PFKFB3: variants seen among roughly 807,000 people sequenced by gnomAD.
PFKFB3 encodes 6-phosphofructo-2-kinase/fructose-2,6-bisphosphatase 3.
In PFKFB3, 33 loss-of-function variants were observed where a neutral mutation model predicts 68.0. That is an observed-to-expected ratio of 0.49 (90% CI 0.37 to 0.65). PFKFB3 has a LOEUF of 0.65. PFKFB3 is among the 30% of genes least tolerant of loss of function. The pLI, the probability that PFKFB3 is intolerant of heterozygous loss-of-function variation, is 0.00. For missense variants in PFKFB3, 586 were observed against 712.2 expected (o/e 0.82, Z 2.02); for synonymous variants, 315 against 288.2 (o/e 1.09, Z -0.94).
chr10:6,260,718 G>A, the PFKFB3 span, among the ~76,000 whole-genome samples: 1 of 152,120 alleles, frequency 6.6e-6, no homozygotes, highest in South Asian at 2.1e-4. Context: ...GTTTCATTAG[G>A]TAGTGATTGA....
chr10:6,152,280 A>G (rs1841617111), intron 1 of PFKFB3: 1 of 152,474 alleles, frequency 6.6e-6, no homozygotes, highest in African/African-American at 2.4e-5. Flanking sequence ...TGCCTGGAAC[A>G]GTTCCTGCAG....
intron 1 of PFKFB3, among the ~76,000 whole-genome samples, chr10:6,150,654 C>T (rs370699423): frequency 4.6e-5 from 7 of 152,062 alleles, no homozygotes; most frequent in African/African-American, 1.7e-4. Flanking sequence ...TCCTTATAAA[C>T]CCTAAATGCT....
At chr10:6,300,159 G>A in the PFKFB3 span, among the ~76,000 whole-genome samples, 3 of 151,592 alleles carry the variant, frequency 2.0e-5, no homozygotes, top group Non-Finnish European at 2.9e-5. Context: ...CTCTTCGGGC[G>A]AGATGCGAGT....
At chr10:6,291,249 G>GA in the PFKFB3 span, among the ~76,000 whole-genome samples, 1 of 151,696 alleles carries the variant, frequency 6.6e-6, no homozygotes, top group Non-Finnish European at 1.5e-5. Context: ...ATCCACAAAT[G>GA]AAAAAAAAGA....
chr10:6,287,301 G>T, the PFKFB3 span, among the ~76,000 whole-genome samples: 2 of 151,994 alleles, frequency 1.3e-5, no homozygotes, highest in African/African-American at 4.8e-5. Context: ...TGTTGGCTGG[G>T]CTAGTCTTGA....
intron 8 of PFKFB3, 116 bp from the exon 9 acceptor site, chr10:6,221,265 G>GC: frequency 7.8e-7 from 1 of 1,287,656 alleles, no homozygotes; most frequent in East Asian, 2.5e-5. Context: ...GTGGCCTGGG[G>GC]CCCCCACGGT....
the PFKFB3 span, among the ~76,000 whole-genome samples, chr10:6,261,249 G>C: frequency 6.6e-6 from 1 of 152,188 alleles, no homozygotes; most frequent in South Asian, 2.1e-4. Context: ...GCCCTTATTT[G>C]TAGGATGTTT....
chr10:6,213,478 C>G, intron 1 of PFKFB3, 145 bp from the exon 2 acceptor site: 1 of 884,010 alleles, frequency 1.1e-6, no homozygotes, highest in Non-Finnish European at 1.7e-6. Flanking sequence ...ATGGTGGCCA[C>G]CGTGCTCCCG....
Position 6,220,639 on chromosome 10 carries a change from C to T in PFKFB3, c.624-19C>T, listed in dbSNP as rs371896331. On this transcript the variant is annotated intron_variant, in intron 7 of 14. Coordinates refer to ENST00000379775, the MANE Select transcript of PFKFB3 (RefSeq NM_004566.4). The surrounding 1 kb of genome is among the most constrained non-coding windows in gnomAD (Gnocchi z 4.1). ...GGGTGGTGGCCTGAGCTGTGGTTCTCGGTGGGGTCTCTCTGCAGGGACTTG... is the reference window on the plus strand; with the variant it reads ...GGGTGGTGGCCTGAGCTGTGGTTCTTGGTGGGGTCTCTCTGCAGGGACTTG... 4.4e-5 allele frequency: 71 copies of T among 1,611,178 alleles called. No homozygotes were observed. The highest frequency in any genetic ancestry group is 1.6e-4 in the Middle Eastern group (1 of 6,078).
chr10:6,239,682 AT>A (rs939895150), downstream of PFKFB3, among the ~76,000 whole-genome samples: 3 of 151,320 alleles, frequency 2.0e-5, no homozygotes, highest in East Asian at 1.9e-4. Context: ...ACTTTCTAAT[AT>A]TTTTTTTTGA....
intron 1 of PFKFB3, among the ~76,000 whole-genome samples, chr10:6,172,976 C>T (rs1472404593): frequency 6.6e-6 from 1 of 152,172 alleles, no homozygotes; most frequent in Non-Finnish European, 1.5e-5. Flanking sequence ...TCCTGTTAGG[C>T]CAGCGTCCAC....
At chr10:6,224,983 G>C (rs999535057) in intron 13 of PFKFB3, among the ~76,000 whole-genome samples, 2 of 151,558 alleles carry the variant, frequency 1.3e-5, no homozygotes, top group African/African-American at 4.9e-5. Flanking sequence ...AGAGGCCTGG[G>C]GGGTGGCGGG....
chr10:6,162,355 C>T (rs72478270), intron 1 of PFKFB3, among the ~76,000 whole-genome samples: 1,647 of 152,296 alleles, frequency 0.011, 67 homozygotes, highest in East Asian at 0.099. Flanking sequence ...GGTCTACAAA[C>T]ATCTCTTTGA....
intron 1 of PFKFB3, among the ~76,000 whole-genome samples, chr10:6,171,700 C>G (rs548910934): frequency 2.0e-5 from 3 of 152,328 alleles, no homozygotes; most frequent in African/African-American, 7.2e-5. Flanking sequence ...GCCTAGATAT[C>G]TATTTTTTAT....
chr10:6,189,570 AGTG>A (rs1842971178), intron 1 of PFKFB3, among the ~76,000 whole-genome samples: 1 of 145,054 alleles, frequency 6.9e-6, no homozygotes, highest in Non-Finnish European at 1.5e-5. Context: ...GCTGGAGTGC[AGTG>A]GCGCGATCTC....
At chr10:6,302,362 G>GTTTTTTTTTTTTTTT in the PFKFB3 span, among the ~76,000 whole-genome samples, 3 of 78,516 alleles carry the variant, frequency 3.8e-5, no homozygotes, top group African/African-American at 1.3e-4. Context: ...TGCCTGGCCA[G>GTTTTTTTTTTTTTTT]TTTTTTTTTT....
intron 1 of PFKFB3, among the ~76,000 whole-genome samples, chr10:6,161,642 A>C (rs1289278130): frequency 3.7e-5 from 1 of 27,322 alleles, no homozygotes. Flanking sequence ...ATATATAGAG[A>C]GAGAGAGAGA....
rs570836116 is a variant in PFKFB3, at chr10:6,220,084, T to C, written c.623+391T>C. On this transcript the variant is annotated intron_variant, in intron 7 of 14. Transcript: ENST00000379775. The surrounding 1 kb of genome is among the most constrained non-coding windows in gnomAD (Gnocchi z 4.1). The stretch of plus-strand genomic sequence containing the variant: ...TCCTTTCTTTCCATTTATTTATTTA[T>C]TTATTTACTTACTTACTTGCTTGCC... Among the ~76,000 whole-genome samples the C allele has an allele frequency of 6.6e-6, 1 of 151,676 alleles. No individual in the cohort carries two copies. The highest frequency in any genetic ancestry group is 1.5e-5 in the Non-Finnish European group (1 of 68,022).
downstream of PFKFB3, among the ~76,000 whole-genome samples, chr10:6,259,542 T>TCCATCCATCCATC (rs1846521143): frequency 1.4e-5 from 2 of 137,982 alleles, no homozygotes; most frequent in African/African-American, 2.8e-5. Flanking sequence ...ATCCATCTGC[T>TCCATCCATCCATC]CATCCATCCA....
Sources: allele counts gnomAD v4.1 joint callset (sites outside exome capture counted in the v4.1 genomes callset), GRCh38; gene constraint gnomAD v4.1.1; non-coding constraint Gnocchi (gnomAD v3.1); transcripts MANE v1.5; gene names NCBI Gene and HGNC (gene_info 2026-07-23, HGNC 2026-07-21).